Variants in RBMS1 observed in about 807,000 individuals in gnomAD.
RBMS1 encodes the protein RNA binding motif single stranded interacting protein 1.
A neutral mutation model predicts 62.3 loss-of-function variants in RBMS1; 17 were observed. The observed-to-expected ratio is 0.27, with a 90% CI of 0.19 to 0.41. The LOEUF is 0.41. Among genes scored for constraint, RBMS1 ranks in the 10% least tolerant of loss-of-function variants. The pLI is 1.00. For synonymous variants in RBMS1, 172 were observed against 170.0 expected (o/e 1.01, Z -0.09); for missense variants, 334 against 504.5 (o/e 0.66, Z 3.24).
In RBMS1 at chr2:160,285,135, T is replaced by C. The variant is rs1688309502; in HGVS notation, c.757-91A>G. On this transcript the variant is annotated intron_variant, in intron 7 of 13. Transcript: ENST00000348849. ...AGCCAGGTGTGGTGGTGTGCACCTG[T>C]AGTCCCAGCTGCTGGGGAGGCTGAG... 8.9e-6 allele frequency: 11 copies of C among 1,233,644 alleles called. No individual in the cohort carries two copies. The Admixed American group carries it at 1.7e-4, about 19-fold the overall frequency. 76.4% of individuals were successfully genotyped at this position (1,233,644 alleles called of 1,614,324 possible).
chr2:160,349,569 G>A (rs1490401866), intron 2 of RBMS1, among the ~76,000 whole-genome samples: 1 of 151,416 alleles, frequency 6.6e-6, no homozygotes, highest in Non-Finnish European at 1.5e-5. Flanking sequence ...GAGAGAGAGA[G>A]AGAGAGAGAG....
intron 1 of RBMS1, among the ~76,000 whole-genome samples, chr2:160,372,441 C>T (rs562737896): frequency 6.6e-6 from 1 of 152,254 alleles, no homozygotes; most frequent in Admixed American, 6.5e-5. Context: ...ATAATCACTA[C>T]AGTTGCTCCT....
intron 2 of RBMS1, among the ~76,000 whole-genome samples, chr2:160,319,742 G>T (rs901150460): frequency 9.2e-5 from 14 of 152,036 alleles, no homozygotes; most frequent in African/African-American, 3.4e-4. Flanking sequence ...AAACCATTGT[G>T]AATATTACAC....
rs1475121123 is a variant in RBMS1 at position 160,285,047 on chromosome 2, A to G, written c.757-3T>C. On this transcript the variant is annotated splice_region_variant and splice_polypyrimidine_tract_variant and intron_variant, in intron 7 of 13. Transcript: ENST00000348849. ...TCGTAAGTAAGTGTCATTCCAGCCT[A>G]TGGGAAAGAGAAAGAAATATAAACA... 1.6e-5 allele frequency: 25 copies of G among 1,610,546 alleles called. No individual in the cohort carries two copies. Among genetic ancestry groups the G allele is most frequent in the Non-Finnish European group, 2.1e-5 (25 of 1,176,852 alleles).
At chr2:160,292,253 A>T (rs923891886) in intron 6 of RBMS1, among the ~76,000 whole-genome samples, 2 of 152,206 alleles carry the variant, frequency 1.3e-5, no homozygotes, top group African/African-American at 4.8e-5. Flanking sequence ...AAAGTTATTC[A>T]ATGTCTCTGG....
chr2:160,399,234 T>C (rs775180378), intron 1 of RBMS1, among the ~76,000 whole-genome samples: 18 of 152,228 alleles, frequency 1.2e-4, no homozygotes, highest in Non-Finnish European at 2.1e-4. Flanking sequence ...ACGAGAACTT[T>C]TGGAGGACAC....
In RBMS1 at chr2:160,426,301, G is replaced by GGAAA. The variant is rs1682609813; in HGVS notation, c.76-58911_76-58910insTTTC. Among the ~76,000 whole-genome samples the GGAAA allele has an allele frequency of 1.0e-4, 3 of 28,632 alleles. No homozygotes were observed. The East Asian group carries it at 3.9e-3, about 37-fold the overall frequency. 18.8% of individuals were successfully genotyped at this position (28,632 alleles called of 152,430 possible). ...AGAAAGAAAGAAAGAAAAGAAAGAA[G>GGAAA]GAAGGAAGGAAGGAAGGAAGGAAGG... On this transcript the variant is annotated intron_variant, in intron 1 of 13. Coordinates refer to ENST00000348849, the MANE Select transcript of RBMS1 (RefSeq NM_016836.4).
chr2:160,369,647 T>C (rs528126579), intron 1 of RBMS1, among the ~76,000 whole-genome samples: 245 of 152,298 alleles, frequency 1.6e-3, no homozygotes, highest in Admixed American at 3.3e-3. Context: ...GGCGATGAAA[T>C]GTGGTCATCT....
chr2:160,283,718 AATG>A (rs1209290817), intron 9 of RBMS1: 1 of 152,204 alleles, frequency 6.6e-6, no homozygotes, highest in African/African-American at 2.4e-5. Context: ...CATGCATATT[AATG>A]ATAATAATCA....
intron 1 of RBMS1, among the ~76,000 whole-genome samples, chr2:160,374,719 C>T (rs912003086): frequency 2.6e-5 from 4 of 152,076 alleles, no homozygotes; most frequent in East Asian, 1.9e-4. Context: ...CACCTGAGGT[C>T]GGGAGTTCGA....
intron 1 of RBMS1, among the ~76,000 whole-genome samples, chr2:160,420,979 G>A (rs1244051429): frequency 6.6e-6 from 1 of 152,040 alleles, no homozygotes; most frequent in African/African-American, 2.4e-5. Flanking sequence ...ATTTTAGAAT[G>A]ACTAAAGCAA....
At chr2:160,280,550 A>G (rs1688050193) in intron 10 of RBMS1, among the ~76,000 whole-genome samples, 1 of 152,216 alleles carries the variant, frequency 6.6e-6, no homozygotes, top group Admixed American at 6.5e-5. Context: ...CTAAGCAACC[A>G]AATCTGTTTT....
intron 2 of RBMS1, 47 bp downstream of exon 2, chr2:160,367,169 C>A: frequency 6.4e-7 from 1 of 1,568,224 alleles, no homozygotes; most frequent in South Asian, 1.1e-5. Context: ...ATAATATGAT[C>A]AAGAAAATAC....
intron 2 of RBMS1, among the ~76,000 whole-genome samples, chr2:160,352,937 G>A (rs1298350930): frequency 6.6e-6 from 1 of 152,086 alleles, no homozygotes; most frequent in African/African-American, 2.4e-5. Flanking sequence ...TGAATTCAAT[G>A]TTGAGGCAAA....
chr2:160,427,694 T>C (rs745726675), intron 1 of RBMS1, among the ~76,000 whole-genome samples: 3 of 152,208 alleles, frequency 2.0e-5, no homozygotes, highest in Non-Finnish European at 4.4e-5. Context: ...ACACTGACAC[T>C]GATTAATGGT....
At chr2:160,384,132 GC>G in intron 1 of RBMS1, among the ~76,000 whole-genome samples, 1 of 152,364 alleles carries the variant, frequency 6.6e-6, no homozygotes, top group Non-Finnish European at 1.5e-5. Context: ...GGGAGGCGGA[GC>G]TTGCAGTGAG....
chr2:160,490,648 A>AT (rs1477386740), intron 1 of RBMS1, among the ~76,000 whole-genome samples: 1 of 152,190 alleles, frequency 6.6e-6, no homozygotes, highest in African/African-American at 2.4e-5. Context: ...TGGATCACTA[A>AT]AACAAGAAGA....
At chr2:160,294,055 C>T (rs1292982094) in intron 6 of RBMS1, among the ~76,000 whole-genome samples, 1 of 152,184 alleles carries the variant, frequency 6.6e-6, no homozygotes, top group East Asian at 1.9e-4. Context: ...CATGAAGAAG[C>T]CATGGGTTCT....
chr2:160,339,320 A>G (rs912518345), intron 2 of RBMS1, among the ~76,000 whole-genome samples: 2 of 152,212 alleles, frequency 1.3e-5, no homozygotes, highest in Non-Finnish European at 2.9e-5. Context: ...AAATTGATGA[A>G]CAAGTTATTT....
Sources: gnomAD v4.1 joint callset for allele counts (sites outside exome capture counted in the v4.1 genomes callset) on GRCh38, gnomAD v4.1.1 for gene constraint, MANE v1.5 for transcripts, NCBI Gene and HGNC (gene_info 2026-07-23, HGNC 2026-07-21) for gene names.